SRMS: variants seen among roughly 807,000 people sequenced by gnomAD.
SRMS encodes src-related kinase lacking C-terminal regulatory tyrosine and N-terminal myristylation sites, also known as tyrosine-protein kinase Srms.
A neutral mutation model predicts 43.5 loss-of-function variants in SRMS; 42 were observed. The ratio of observed to expected loss-of-function variants is 0.97; its 90% confidence interval spans 0.75 to 1.25. The LOEUF (loss-of-function observed/expected upper bound fraction) is 1.25. SRMS is among the 50% of genes most tolerant of loss of function. SRMS has a pLI of 0.00. For missense variants in SRMS, 703 were observed against 681.0 expected (o/e 1.03, Z -0.36); for synonymous variants, 316 against 308.2 (o/e 1.03, Z -0.27).
In SRMS at chr20:63,540,413, C is replaced by T. The variant is rs570242270; in HGVS notation, c.*405G>A. 1.3e-5 allele frequency among the ~76,000 whole-genome samples: 2 copies of T among 152,316 alleles called. No homozygotes were observed. Among genetic ancestry groups the T allele is most frequent in the South Asian group, 2.1e-4 (1 of 4,826 alleles). Reference sequence around the variant, plus strand: ...GACACACAGGGCTCAGGGTTCCTCACCCAGAGCCTCCGAGGCTTCTACCCA... The same window carrying T: ...GACACACAGGGCTCAGGGTTCCTCATCCAGAGCCTCCGAGGCTTCTACCCA... On this transcript the variant is annotated 3_prime_UTR_variant, in exon 8 of 8. Coordinates refer to ENST00000217188, the MANE Select transcript of SRMS (RefSeq NM_080823.4).
chr20:63,541,397 C>T, intron 6 of SRMS, 42 bp downstream of exon 6: 1 of 1,559,778 alleles, frequency 6.4e-7, no homozygotes. Context: ...GGGGTCCCCT[C>T]ACCCACCCCC....
At chr20:63,544,475 T>A in intron 1 of SRMS, 127 bp from the exon 2 acceptor site, 1 of 1,243,600 alleles carries the variant, frequency 8.0e-7, no homozygotes, top group Non-Finnish European at 1.0e-6. Context: ...GTCCACCCCG[T>A]GGACTTTGAG....
chr20:63,544,287 C>A lies in SRMS; in HGVS notation c.418G>T (p.Glu140Ter). The A allele has an allele frequency of 6.7e-7, 1 of 1,483,050 alleles. No individual in the cohort carries two copies. Among genetic ancestry groups the A allele is most frequent in the East Asian group, 2.8e-5 (1 of 35,646 alleles). 91.9% of individuals were successfully genotyped at this position (1,483,050 alleles called of 1,614,324 possible). A position where few individuals can be genotyped will look rare whatever the true frequency, so the allele number is the denominator to read the frequency against. Residue 140 changes from glutamate to a stop codon, truncating the protein, a stop_gained, in exon 2 of 8, where the codon GAA (glutamate) becomes TAA (stop). Coordinates refer to ENST00000217188, the MANE Select transcript of SRMS (RefSeq NM_080823.4). LOFTEE classifies it high-confidence loss of function. Reference protein sequence around the residue: ...AQQLLLSPPNEPGAFLIRPSE... With the variant: ...AQQLLLSPPN ...GGCCGGATGAGGAAGGCCCCTGGTT[C>A]GTTGGGTGGGGAGAGGAGCAGCTGC... is the stretch of plus-strand genomic sequence containing the variant.
rs759651578 is a variant in SRMS at position 63,541,459 on chromosome 20, C to T, written c.1108G>A (p.Gly370Ser). The change falls in exon 6 of 8, where the codon GGC (glycine) becomes AGC (serine). Residue 370 changes from glycine (G) to serine (S), a missense_variant. Gly to Ser is a moderately conservative substitution (Grantham distance 56, BLOSUM62 0). Transcript: ENST00000217188. ...DGLACKVADFGLARLLKDDIY... is the reference protein window; with the variant it reads ...DGLACKVADFSLARLLKDDIY... ...CTGACCTTGAGCAGCCGGGCCAGGC[C>T]GAAGTCAGCCACCTTGCAGGCCAGG... The T allele has an allele frequency of 1.1e-5, 18 of 1,605,828 alleles. 1 individual carries two copies. Among genetic ancestry groups the T allele is most frequent in the Middle Eastern group, 1.7e-4 (1 of 6,044 alleles).
intron 5 of SRMS, among the ~76,000 whole-genome samples, 170 bp downstream of exon 5, chr20:63,541,993 C>T (rs1286015571): frequency 2.6e-5 from 4 of 152,266 alleles, no homozygotes; most frequent in East Asian, 1.9e-4. Context: ...CTGACGCCAG[C>T]CCCCTGTTGG....
chr20:63,540,909 A>G lies in SRMS; in HGVS notation c.1376T>C (p.Met459Thr). ...AACPAEVYVL[M>T]LECWRSSPEE... is the part of the protein sequence containing the mutation. Reference sequence around the variant, plus strand: ...GGGGCTGCTCCTCCAGCACTCCAGCATGAGCACGTAGACCTCCGCCGGGCA... The same window carrying G: ...GGGGCTGCTCCTCCAGCACTCCAGCGTGAGCACGTAGACCTCCGCCGGGCA... The change falls in exon 8 of 8, where the codon ATG (methionine) becomes ACG (threonine). Residue 459 changes from methionine (M) to threonine (T), a missense_variant. Coordinates refer to ENST00000217188, the MANE Select transcript of SRMS (RefSeq NM_080823.4). The G allele has an allele frequency of 6.2e-7, 1 of 1,606,308 alleles. No individual in the cohort carries two copies. Among genetic ancestry groups the G allele is most frequent in the Non-Finnish European group, 8.5e-7 (1 of 1,179,546 alleles).
rs2082714018 is a variant in SRMS at position 63,543,315 on chromosome 20, T to G, written c.644A>C (p.Gln215Pro). 6.2e-6 allele frequency: 10 copies of G among 1,612,208 alleles called. No individual in the cohort carries two copies. The highest frequency in any genetic ancestry group is 8.5e-6 in the Non-Finnish European group (10 of 1,179,836). The stretch of plus-strand genomic sequence containing the variant: ...GCAGCTTGGCAGGCACAGGCCCACC[T>G]GGGGCATGCAGGGCTGCAGCAGGGG... The part of the protein sequence containing the change: ...QNPLLQPCMP[Q>P]KAPRQDVWER... Residue 215 changes from glutamine (Q) to proline (P), a missense_variant and splice_region_variant, in exon 3 of 8, where the codon CAG (glutamine) becomes CCG (proline). Transcript: ENST00000217188.
At chr20:63,542,810 C>A (rs1390610708) in intron 3 of SRMS, among the ~76,000 whole-genome samples, 2 of 152,148 alleles carry the variant, frequency 1.3e-5, no homozygotes, top group Non-Finnish European at 1.5e-5. Context: ...GCCGGATATC[C>A]GTCTACACAT....
Position 63,546,985 on chromosome 20 carries a change from G to T in SRMS, c.356+123C>A, listed in dbSNP as rs1387206045. ...ATCAGCTGTCCCTGAATGAATGCGT[G>T]GATGAACGAATGAATGAACAGATAG... On this transcript the variant is annotated intron_variant, in intron 1 of 7. Transcript: ENST00000217188. 87 of 932,176 alleles carry T rather than the reference G, an allele frequency of 9.3e-5. No individual in the cohort carries two copies. In the South Asian group the frequency reaches 1.5e-3, roughly 16 times the overall value. The allele number at this position is 932,176 out of a possible 1,614,324, so 57.7% of individuals were successfully genotyped here.
At chr20:63,546,977 G>T in intron 1 of SRMS, 131 bp downstream of exon 1, 1 of 862,302 alleles carries the variant, frequency 1.2e-6, no homozygotes, top group African/African-American at 1.8e-5. Context: ...GTCCCTGAAT[G>T]AATGCGTGGA....
Position 63,538,978 on chromosome 20 carries a change from C to T in SRMS, c.*1840G>A, listed in dbSNP as rs754727824. On this transcript the variant is annotated 3_prime_UTR_variant, in exon 8 of 8. Transcript: ENST00000217188. The stretch of plus-strand genomic sequence containing the variant: ...TAGGAGGGCACAGGTGCCACAGACA[C>T]ACCTGGTCCCCTTAATCCCAGTGGC... 6.6e-5 allele frequency among the ~76,000 whole-genome samples: 10 copies of T among 152,154 alleles called. No homozygotes were observed. The highest frequency in any genetic ancestry group is 1.3e-4 in the Non-Finnish European group (9 of 67,992).
In SRMS at chr20:63,547,637, T is replaced by C; in HGVS notation, c.-174A>G. ...TCCCCTGGATCCAGGAGGCACACGG[T>C]TCCCACCGGCGTCCGGGCTGGCGTT... is the stretch of plus-strand genomic sequence containing the variant. On this transcript the variant is annotated 5_prime_UTR_variant, in exon 1 of 8. Coordinates refer to ENST00000217188, the MANE Select transcript of SRMS (RefSeq NM_080823.4). 1 of 587,878 alleles carries C rather than the reference T, an allele frequency of 1.7e-6. No individual in the cohort carries two copies. The allele number at this position is 587,878 out of a possible 1,614,324, so 36.4% of individuals were successfully genotyped here.
chr20:63,538,786 G>A lies in SRMS; in HGVS notation c.*2032C>T, dbSNP rs928155319. Reference sequence around the variant, plus strand: ...GGCCGGGCAGCGTCCCTCAGAGCCCGGCCAGACTCTGGGCCCGTGAGTCTA... The same window carrying A: ...GGCCGGGCAGCGTCCCTCAGAGCCCAGCCAGACTCTGGGCCCGTGAGTCTA... On this transcript the variant is annotated 3_prime_UTR_variant, in exon 8 of 8. Coordinates refer to ENST00000217188, the MANE Select transcript of SRMS (RefSeq NM_080823.4). 3.3e-5 allele frequency among the ~76,000 whole-genome samples: 5 copies of A among 152,074 alleles called. No homozygotes were observed. The highest frequency in any genetic ancestry group is 1.2e-4 in the African/African-American group (5 of 41,426).
In SRMS at chr20:63,539,820, A is replaced by T. The variant is rs2082692808; in HGVS notation, c.*998T>A. Among the ~76,000 whole-genome samples, 1 of 152,052 alleles carries T rather than the reference A, an allele frequency of 6.6e-6. No homozygotes were observed. The highest frequency in any genetic ancestry group is 1.5e-5 in the Non-Finnish European group (1 of 68,000). ...CGACCCTGCCTGACCCTGCACAGGC[A>T]GAAGACTCCAAATCCCCCACGGCCC... is the stretch of plus-strand genomic sequence containing the variant. On this transcript the variant is annotated 3_prime_UTR_variant, in exon 8 of 8. Transcript: ENST00000217188.
rs1223288873 is a variant in SRMS, at chr20:63,540,010, TG to T, written c.*807del. Reference sequence around the variant, plus strand: ...CTCTGGGCACCATGATGTCCTGGGCTGGGGGTCCGGGCGGCATGGGGGCCGC... The same window carrying T: ...CTCTGGGCACCATGATGTCCTGGGCTGGGGTCCGGGCGGCATGGGGGCCGC... On this transcript the variant is annotated 3_prime_UTR_variant, in exon 8 of 8. Coordinates refer to ENST00000217188, the MANE Select transcript of SRMS (RefSeq NM_080823.4). Among the ~76,000 whole-genome samples, 1 of 152,200 alleles carries T rather than the reference TG, an allele frequency of 6.6e-6. No individual in the cohort carries two copies. The highest frequency in any genetic ancestry group is 1.5e-5 in the Non-Finnish European group (1 of 68,020).
At chr20:63,543,830 GAAT>G (rs2082716889) in intron 2 of SRMS, 2 of 376,796 alleles carry the variant, frequency 5.3e-6, no homozygotes, top group Admixed American at 4.4e-5. Flanking sequence ...ATGAGTGAAA[GAAT>G]AAGCTAGTGA....
intron 3 of SRMS, 121 bp from the exon 4 acceptor site, chr20:63,542,702 C>G: frequency 7.8e-7 from 1 of 1,275,128 alleles, no homozygotes; most frequent in Admixed American, 3.0e-5. Flanking sequence ...TCACCCCACC[C>G]TGGCTGGGAC....
intron 1 of SRMS, 135 bp from the exon 2 acceptor site, chr20:63,544,483 GAGTCCCAGCTCA>G: frequency 1.7e-6 from 2 of 1,169,532 alleles, no homozygotes; most frequent in Non-Finnish European, 2.2e-6. Flanking sequence ...CGTGGACTTT[GAGTCCCAGCTCA>G]AGGTCTGCAC....
In SRMS at chr20:63,540,327, G is replaced by A. The variant is rs1309555058; in HGVS notation, c.*491C>T. On this transcript the variant is annotated 3_prime_UTR_variant, in exon 8 of 8. Transcript: ENST00000217188. ...TTTCCACAAACCCAAGCTGGGACTA[G>A]GGAGAGAACTGGGCCTTTGGCTCTT... Among the ~76,000 whole-genome samples the A allele has an allele frequency of 6.6e-6, 1 of 152,184 alleles. No homozygotes were observed.
Sources: allele counts gnomAD v4.1 joint callset (sites outside exome capture counted in the v4.1 genomes callset), GRCh38; gene constraint gnomAD v4.1.1; transcripts MANE v1.5; gene names NCBI Gene and HGNC (gene_info 2026-07-23, HGNC 2026-07-21).